The following CDR2L variants were observed in gnomAD, a reference collection of about 807,000 sequenced individuals.
The protein encoded by CDR2L is cerebellar degeneration-related protein 2-like.
In CDR2L, 19 loss-of-function variants were observed where a neutral mutation model predicts 36.1. The ratio of observed to expected loss-of-function variants is 0.53; its 90% confidence interval spans 0.37 to 0.77. The LOEUF (loss-of-function observed/expected upper bound fraction) is 0.77. Among genes scored for constraint, CDR2L ranks in the 30% least tolerant of loss-of-function variants. CDR2L has a pLI of 0.00. For synonymous variants in CDR2L, 285 were observed against 280.4 expected, an observed-to-expected ratio of 1.02 and a Z score of -0.16; for missense variants, 575 against 627.2, an observed-to-expected ratio of 0.92 and a Z score of 0.89.
Position 75,001,425 on chromosome 17 carries a change from G to A in CDR2L, c.277G>A (p.Asp93Asn). 1.2e-6 allele frequency: 2 copies of A among 1,608,176 alleles called. No homozygotes were observed. The highest frequency in any genetic ancestry group is 8.5e-7 in the Non-Finnish European group (1 of 1,177,866). The change falls in exon 3 of 5, where the codon GAC (aspartate) becomes AAC (asparagine). Residue 93 changes from aspartate (D) to asparagine (N), a missense_variant. By Grantham distance (23) the Asp-to-Asn change is conservative. Transcript: ENST00000337231. ...TGAGCAGCTGGACCTGACAGCCCGGGACCTGGAGCTGACCAACCACAGGCT... is the reference window on the plus strand; with the variant it reads ...TGAGCAGCTGGACCTGACAGCCCGGAACCTGGAGCTGACCAACCACAGGCT... Reference protein sequence around the residue: ...VYEQLDLTARDLELTNHRLVL... With the variant: ...VYEQLDLTARNLELTNHRLVL...
Position 75,003,238 on chromosome 17 carries a change from C to CT in CDR2L, c.563dup (p.Glu189GlyfsTer96). The stretch of plus-strand genomic sequence containing the variant: ...CTCCCTGGAGCTGGGCCCGCGGCCC[C>CT]TGGAGCAGGAGAACGAGCGGCTGCA... On this transcript the variant is annotated frameshift_variant, in exon 5 of 5. Transcript: ENST00000337231. LOFTEE classifies it high-confidence loss of function. The CT allele has an allele frequency of 6.4e-7, 1 of 1,564,802 alleles. No homozygotes were observed. Among genetic ancestry groups the CT allele is most frequent in the Non-Finnish European group, 8.7e-7 (1 of 1,155,582 alleles).
intron 1 of CDR2L, 144 bp downstream of exon 1, chr17:74,988,266 C>G: frequency 1.9e-6 from 1 of 523,352 alleles, no homozygotes; most frequent in Non-Finnish European, 3.3e-6. Context: ...GTCTGGAGAA[C>G]CGGGACGTGG....
chr17:75,004,380 C>T lies in CDR2L; in HGVS notation c.*306C>T. ...CTGGCTTCCTGACCCTGCGCCTCAC[C>T]CTCAGACTGGTGACCAGGCTTCTGA... On this transcript the variant is annotated 3_prime_UTR_variant, in exon 5 of 5. Coordinates refer to ENST00000337231, the MANE Select transcript of CDR2L (RefSeq NM_014603.3). 3.2e-6 allele frequency: 1 copy of T among 317,174 alleles called. No homozygotes were observed. Among genetic ancestry groups the T allele is most frequent in the Middle Eastern group, 8.8e-4 (1 of 1,140 alleles). The allele number at this position is 317,174 out of a possible 1,614,324, so 19.6% of individuals were successfully genotyped here.
At chr17:74,996,712 G>A (rs2144861193) in intron 1 of CDR2L, among the ~76,000 whole-genome samples, 1 of 152,208 alleles carries the variant, frequency 6.6e-6, no homozygotes, top group East Asian at 1.9e-4. Context: ...GGGTCAGGGA[G>A]GGAAGGTTCC....
rs1457574636 is a variant in CDR2L at position 74,988,017 on chromosome 17, C to T, written c.-27C>T. Reference sequence around the variant, plus strand: ...GCACCGGCCCTGAGCTGCGCCGCCGCAGCACCCGCCCGCCGCCCGCGGGGC... The same window carrying T: ...GCACCGGCCCTGAGCTGCGCCGCCGTAGCACCCGCCCGCCGCCCGCGGGGC... On this transcript the variant is annotated 5_prime_UTR_variant, in exon 1 of 5. Transcript: ENST00000337231. 3 of 1,488,082 alleles carry T rather than the reference C, an allele frequency of 2.0e-6. No homozygotes were observed. Among genetic ancestry groups the T allele is most frequent in the South Asian group, 2.5e-5 (2 of 79,272 alleles). 92.2% of individuals were successfully genotyped at this position (1,488,082 alleles called of 1,614,324 possible).
intron 1 of CDR2L, among the ~76,000 whole-genome samples, chr17:74,998,952 C>A (rs1376396939): frequency 6.6e-6 from 1 of 152,228 alleles, no homozygotes; most frequent in Non-Finnish European, 1.5e-5. Context: ...TAAGGCCCAG[C>A]AGCCTGTTGA....
chr17:75,004,101 A>G lies in CDR2L; in HGVS notation c.*27A>G, dbSNP rs752846310. 1 of 1,573,480 alleles carries G rather than the reference A, an allele frequency of 6.4e-7. No individual in the cohort carries two copies. Among genetic ancestry groups the G allele is most frequent in the East Asian group, 2.3e-5 (1 of 44,136 alleles). On this transcript the variant is annotated 3_prime_UTR_variant, in exon 5 of 5. Transcript: ENST00000337231. ...CCTTCTCCGGCCTGCAGCCTCCCCC[A>G]GGGTGGAAGCCGTGGGGTCCCTCAG...
intron 1 of CDR2L, among the ~76,000 whole-genome samples, chr17:74,990,494 A>C (rs1399486958): frequency 2.6e-5 from 4 of 152,206 alleles, no homozygotes; most frequent in Non-Finnish European, 5.9e-5. Context: ...CCAAACTCAC[A>C]ATGGCGTCAG....
chr17:74,988,628 A>G (rs1368218755), intron 1 of CDR2L, among the ~76,000 whole-genome samples: 1 of 152,178 alleles, frequency 6.6e-6, no homozygotes, highest in Non-Finnish European at 1.5e-5. Context: ...CTTCCTACTC[A>G]GGGAGAAGTG....
chr17:74,999,460 C>T lies in CDR2L; in HGVS notation c.80-44C>T, dbSNP rs147719382. On this transcript the variant is annotated intron_variant, in intron 1 of 4. Transcript: ENST00000337231. ...AGTAGATGCTCGGAACATGAATGGG[C>T]GTCCTCTGCCTTTGTTCTCATGCTC... 82 of 1,309,840 alleles carry T rather than the reference C, an allele frequency of 6.3e-5. 1 individual carries two copies. In the African/African-American group the frequency reaches 1.1e-3, roughly 17 times the overall value. 81.1% of individuals were successfully genotyped at this position (1,309,840 alleles called of 1,614,324 possible).
Position 75,003,626 on chromosome 17 carries a change from G to GC in CDR2L, c.951dup (p.Ser318GlnfsTer88). ...CCAGGCCACGTGGTGCGCAAGAGCT[G>GC]CAGCGACACTGCGCTCAACGCCATC... On this transcript the variant is annotated frameshift_variant, in exon 5 of 5. Coordinates refer to ENST00000337231, the MANE Select transcript of CDR2L (RefSeq NM_014603.3). LOFTEE classifies it high-confidence loss of function. The GC allele has an allele frequency of 6.8e-7, 1 of 1,474,856 alleles. No individual in the cohort carries two copies. Among genetic ancestry groups the GC allele is most frequent in the Non-Finnish European group, 9.0e-7 (1 of 1,113,296 alleles). The allele number at this position is 1,474,856 out of a possible 1,614,324, so 91.4% of individuals were successfully genotyped here.
At chr17:75,000,441 C>T (rs1329944622) in intron 2 of CDR2L, among the ~76,000 whole-genome samples, 3 of 150,306 alleles carry the variant, frequency 2.0e-5, no homozygotes, top group South Asian at 2.1e-4. Flanking sequence ...GGACTACAGG[C>T]GCCCACCACC....
rs1415075103 is a variant in CDR2L at position 74,990,757 on chromosome 17, G to C, written c.79+2635G>C. Among the ~76,000 whole-genome samples, 13 of 152,356 alleles carry C rather than the reference G, an allele frequency of 8.5e-5. No homozygotes were observed. In the East Asian group the frequency reaches 2.3e-3, roughly 27 times the overall value. On this transcript the variant is annotated intron_variant, in intron 1 of 4. Coordinates refer to ENST00000337231, the MANE Select transcript of CDR2L (RefSeq NM_014603.3). ...TGGGCCCTGCCCGCCCTGTGCCCCA[G>C]GGGCCAGGCATGGAGAGCTGGATGG...
chr17:74,988,750 T>G (rs2039778828), intron 1 of CDR2L, among the ~76,000 whole-genome samples: 1 of 151,704 alleles, frequency 6.6e-6, no homozygotes, highest in Non-Finnish European at 1.5e-5. Flanking sequence ...TGGCTCATGG[T>G]TTGGAGGGGG....
chr17:75,002,574 C>T lies in CDR2L; in HGVS notation c.506+346C>T, dbSNP rs1031014058. 2.0e-5 allele frequency among the ~76,000 whole-genome samples: 3 copies of T among 152,174 alleles called. No individual in the cohort carries two copies. The highest frequency in any genetic ancestry group is 4.4e-5 in the Non-Finnish European group (3 of 68,030). On this transcript the variant is annotated intron_variant, in intron 4 of 4. Coordinates refer to ENST00000337231, the MANE Select transcript of CDR2L (RefSeq NM_014603.3). This position sits in a 1 kb window ranked among gnomAD's most constrained non-coding sequence, Gnocchi z 4.1. ...GGGTAACCCACTGTGCTTTTCAGTT[C>T]CCATTAAATCTAACACTAGACAACC...
chr17:74,999,325 C>CACACACACACAAAA (rs368672422), intron 1 of CDR2L, among the ~76,000 whole-genome samples, 179 bp from the exon 2 acceptor site: 55 of 151,088 alleles, frequency 3.6e-4, no homozygotes, highest in South Asian at 2.9e-3. Context: ...CAGACACACA[C>CACACACACACAAAA]AAAAAGAACA....
At chr17:75,001,317 T>A in intron 2 of CDR2L, 24 bp from the exon 3 acceptor site, 1 of 1,577,090 alleles carries the variant, frequency 6.3e-7, no homozygotes, top group Non-Finnish European at 8.6e-7. Flanking sequence ...TCTAAAAAGT[T>A]ACTCAATGTC....
chr17:74,993,538 T>C (rs2039809010), intron 1 of CDR2L, among the ~76,000 whole-genome samples: 1 of 152,206 alleles, frequency 6.6e-6, no homozygotes, highest in Admixed American at 6.5e-5. Flanking sequence ...TCCAGACTTT[T>C]GCCCAACTGA....
In CDR2L at chr17:75,003,231, G is replaced by A. The variant is rs750239548; in HGVS notation, c.555G>A (p.Pro185=). The change falls in exon 5 of 5, where the codon CCG becomes CCA. Residue 185 remains proline, a synonymous_variant. Transcript: ENST00000337231. The part of the protein sequence containing the change: ...RLHSSSLELG[P]RPLEQENERL... Reference sequence around the variant, plus strand: ...ACAGTTCCTCCCTGGAGCTGGGCCCGCGGCCCCTGGAGCAGGAGAACGAGC... The same window carrying A: ...ACAGTTCCTCCCTGGAGCTGGGCCCACGGCCCCTGGAGCAGGAGAACGAGC... 6 of 1,564,922 alleles carry A rather than the reference G, an allele frequency of 3.8e-6. No homozygotes were observed. The highest frequency in any genetic ancestry group is 5.2e-6 in the Non-Finnish European group (6 of 1,155,792).
Sources: gnomAD v4.1 joint callset for allele counts (sites outside exome capture counted in the v4.1 genomes callset) on GRCh38, gnomAD v4.1.1 for gene constraint, Gnocchi (gnomAD v3.1) non-coding constraint, MANE v1.5 for transcripts, NCBI Gene and HGNC (gene_info 2026-07-23, HGNC 2026-07-21) for gene names.